Variants in PDE4D observed in about 807,000 individuals in gnomAD.
The protein encoded by PDE4D is 3',5'-cyclic-AMP phosphodiesterase 4D.
In PDE4D, 24 loss-of-function variants were observed where a neutral mutation model predicts 87.4. The observed-to-expected ratio is 0.27, with a 90% CI of 0.20 to 0.39. PDE4D has a LOEUF of 0.39. PDE4D is among the 10% of genes least tolerant of loss of function. The pLI is 1.00. For synonymous variants in PDE4D, 384 were observed against 383.2 expected (o/e 1.00, Z -0.02); for missense variants, 714 against 1,041.0 (o/e 0.69, Z 4.32).
intron 1 of PDE4D, among the ~76,000 whole-genome samples, chr5:59,638,709 T>A (rs1016120801): frequency 6.6e-6 from 1 of 151,886 alleles, no homozygotes; most frequent in African/African-American, 2.4e-5. Context: ...TAAAGAAATG[T>A]AAGGACAAAG....
At chr5:59,016,834 A>G (rs921287158) in intron 6 of PDE4D, among the ~76,000 whole-genome samples, 1 of 152,196 alleles carries the variant, frequency 6.6e-6, no homozygotes, top group African/African-American at 2.4e-5. Context: ...ATACAGTAAT[A>G]AACAAAACAG....
rs145617564 is a variant in PDE4D, at chr5:60,424,367, G to C, written c.-90+63575C>G. ...GTCAGCTTCATCCCAGGGATGCAAG[G>C]CTGGTTCAACATGCTCAAATCAATA... On this transcript the variant is annotated intron_variant, in intron 1 of 16. Coordinates refer to the PDE4D transcript ENST00000502484. 9.8e-4 allele frequency among the ~76,000 whole-genome samples: 150 copies of C among 152,306 alleles called. 2 individuals carry two copies. The highest frequency in any genetic ancestry group is 3.5e-3 in the African/African-American group (147 of 41,570).
At chr5:59,395,609 A>G (rs1455817185) in intron 1 of PDE4D, among the ~76,000 whole-genome samples, 1 of 147,966 alleles carries the variant, frequency 6.8e-6, no homozygotes, top group Non-Finnish European at 1.5e-5. Flanking sequence ...GACCAAAAGT[A>G]GATAAAACCA....
rs534246376 is a variant in PDE4D, at chr5:59,796,466, G to A, written c.455+96702C>T. Reference sequence around the variant, plus strand: ...CTTGGCTCTGCCTTTTACCAACTCCGTGACCTTCAGTCACTGCCCCCACTG... The same window carrying A: ...CTTGGCTCTGCCTTTTACCAACTCCATGACCTTCAGTCACTGCCCCCACTG... On this transcript the variant is annotated intron_variant, in intron 1 of 14. Transcript: ENST00000340635. Among the ~76,000 whole-genome samples the A allele has an allele frequency of 4.6e-5, 7 of 152,296 alleles. No homozygotes were observed. The South Asian group carries it at 6.2e-4, about 14-fold the overall frequency.
chr5:59,258,219 C>T (rs1761339426), intron 1 of PDE4D, among the ~76,000 whole-genome samples: 1 of 151,908 alleles, frequency 6.6e-6, no homozygotes, highest in Non-Finnish European at 1.5e-5. Flanking sequence ...TCCCTGACCA[C>T]TCCAACTAAA....
chr5:59,964,453 C>T (rs1759792839), intron 3 of PDE4D, among the ~76,000 whole-genome samples: 2 of 152,042 alleles, frequency 1.3e-5, no homozygotes, highest in Admixed American at 1.3e-4. Context: ...TTAACAATAC[C>T]CAGCTTCTTC....
chr5:59,790,118 A>G (rs1765622167), intron 1 of PDE4D, among the ~76,000 whole-genome samples: 1 of 152,184 alleles, frequency 6.6e-6, no homozygotes. Context: ...TCTGTAGACG[A>G]GGAAACAGGA....
chr5:60,341,364 G>A (rs182244873), intron 1 of PDE4D, among the ~76,000 whole-genome samples: 3 of 152,200 alleles, frequency 2.0e-5, no homozygotes, highest in African/African-American at 4.8e-5. Context: ...TCCATGCCAC[G>A]GTGACTGTGA....
rs185265829 is a variant in PDE4D, at chr5:59,075,712, A to G, written c.809-36741T>C. Among the ~76,000 whole-genome samples the G allele has an allele frequency of 2.5e-3, 387 of 152,300 alleles. 2 individuals carry two copies. The highest frequency in any genetic ancestry group is 4.3e-3 in the Non-Finnish European group (295 of 68,004). ...TACTTCTTATAAATATAAAGCATACAAGAAATTCTCACCATTTTCTAAGAT... is the reference window on the plus strand; with the variant it reads ...TACTTCTTATAAATATAAAGCATACGAGAAATTCTCACCATTTTCTAAGAT... On this transcript the variant is annotated intron_variant, in intron 5 of 14. Transcript: ENST00000340635.
chr5:59,942,872 T>C (rs1007220713), intron 3 of PDE4D, among the ~76,000 whole-genome samples: 3 of 145,694 alleles, frequency 2.1e-5, no homozygotes, highest in Non-Finnish European at 3.0e-5. Flanking sequence ...GGTGGGCATC[T>C]TTCCAGGAGA....
chr5:60,278,391 T>C (rs1423112943), intron 1 of PDE4D, among the ~76,000 whole-genome samples: 1 of 152,186 alleles, frequency 6.6e-6, no homozygotes, highest in Admixed American at 6.5e-5. Flanking sequence ...TATGAATTTC[T>C]TTGGGTTTAT....
chr5:59,480,599 T>A (rs1191207315), intron 1 of PDE4D, among the ~76,000 whole-genome samples: 1 of 152,164 alleles, frequency 6.6e-6, no homozygotes, highest in Non-Finnish European at 1.5e-5. Flanking sequence ...TCACTGAGAT[T>A]CACTGAGAGG....
chr5:59,812,828 G>C (rs1768518272), intron 1 of PDE4D, among the ~76,000 whole-genome samples: 1 of 152,132 alleles, frequency 6.6e-6, no homozygotes, highest in Admixed American at 6.5e-5. Context: ...AATCTTATTA[G>C]CAGCTCAAAC....
intron 2 of PDE4D, among the ~76,000 whole-genome samples, chr5:60,114,474 C>T (rs889872554): frequency 2.6e-5 from 4 of 152,034 alleles, no homozygotes; most frequent in Admixed American, 6.6e-5. Flanking sequence ...CCTGCAGAAC[C>T]TCACAAAATA....
At chr5:59,150,560 C>G (rs535305932) in intron 5 of PDE4D, among the ~76,000 whole-genome samples, 1 of 152,172 alleles carries the variant, frequency 6.6e-6, no homozygotes, top group Non-Finnish European at 1.5e-5. Flanking sequence ...TCTTTTTGGT[C>G]ATCAATGTAT....
rs191748426 is a variant in PDE4D at position 60,319,586 on chromosome 5, G to A, written c.-89-133899C>T. Among the ~76,000 whole-genome samples the A allele has an allele frequency of 8.6e-3, 1,316 of 152,270 alleles. 15 individuals carry two copies. The highest frequency in any genetic ancestry group is 0.014 in the Non-Finnish European group (926 of 68,016). ...CTGATTTTTAGTTTCCAGTTTTTCTGCTCTGTTTTTTCCCTATCTTTGTGG... is the reference window on the plus strand; with the variant it reads ...CTGATTTTTAGTTTCCAGTTTTTCTACTCTGTTTTTTCCCTATCTTTGTGG... On this transcript the variant is annotated intron_variant, in intron 1 of 16. Coordinates refer to the PDE4D transcript ENST00000502484.
rs148329378 is a variant in PDE4D at position 59,601,475 on chromosome 5, T to C, written c.455+291693A>G. On this transcript the variant is annotated intron_variant, in intron 1 of 14. Transcript: ENST00000340635. ...GCACCCTATAATGAGGGATCATTAA[T>C]CTTAACTGTTCTGTAGCCCATGTCA... 6.6e-3 allele frequency among the ~76,000 whole-genome samples: 1,008 copies of C among 152,072 alleles called. 37 individuals are homozygous for C. Among genetic ancestry groups the C allele is most frequent in the Admixed American group, 0.061 (937 of 15,240 alleles).
chr5:58,978,134 C>T (rs1744248366), intron 11 of PDE4D, among the ~76,000 whole-genome samples: 1 of 152,164 alleles, frequency 6.6e-6, no homozygotes, highest in South Asian at 2.1e-4. Flanking sequence ...ACTTTTGATG[C>T]TTTATTCTCT....
chr5:58,990,459 G>C (rs1464796297), intron 9 of PDE4D, among the ~76,000 whole-genome samples: 1 of 152,108 alleles, frequency 6.6e-6, no homozygotes, highest in Non-Finnish European at 1.5e-5. Context: ...GCCAGCAGGG[G>C]CTTTATTCAT....
Sources: gnomAD v4.1 joint callset for allele counts (sites outside exome capture counted in the v4.1 genomes callset) on GRCh38, gnomAD v4.1.1 for gene constraint, MANE v1.5 for transcripts, NCBI Gene and HGNC (gene_info 2026-07-23, HGNC 2026-07-21) for gene names.